The following FAM120B variants were observed in gnomAD, a reference collection of about 807,000 sequenced individuals.
FAM120B encodes the protein constitutive coactivator of peroxisome proliferator-activated receptor gamma.
A neutral mutation model predicts 96.3 loss-of-function variants in FAM120B; 83 were observed. That is an observed-to-expected ratio of 0.86 (90% CI 0.72 to 1.03). FAM120B has a LOEUF of 1.03. FAM120B is among the 50% of genes least tolerant of loss of function. The pLI, the probability that FAM120B is intolerant of heterozygous loss-of-function variation, is 0.00. For synonymous variants in FAM120B, 407 were observed against 402.7 expected, an observed-to-expected ratio of 1.01 and a Z score of -0.13; for missense variants, 1,027 against 1,121.2, an observed-to-expected ratio of 0.92 and a Z score of 1.20.
intron 5 of FAM120B, among the ~76,000 whole-genome samples, chr6:170,351,322 T>G (rs886126117): frequency 1.3e-5 from 2 of 152,186 alleles, no homozygotes; most frequent in Non-Finnish European, 2.9e-5. Context: ...TATGACTGAT[T>G]GGGGTACCTG....
chr6:170,350,994 G>A (rs961211282), intron 5 of FAM120B, among the ~76,000 whole-genome samples: 7 of 152,298 alleles, frequency 4.6e-5, no homozygotes, highest in Admixed American at 6.5e-5. Context: ...TGAACTTCGC[G>A]GAGCTAAAGG....
rs546469000 is a variant in FAM120B at position 170,370,902 on chromosome 6, C to T, written c.2283+12584C>T. On this transcript the variant is annotated intron_variant, in intron 6 of 10. Coordinates refer to ENST00000476287, the MANE Select transcript of FAM120B (RefSeq NM_032448.3). The surrounding 1 kb of genome is among the most constrained non-coding windows in gnomAD (Gnocchi z 4.3). The stretch of plus-strand genomic sequence containing the variant: ...TGCAGCACTTGGCCCTGTGTGCAGG[C>T]GGGAGTCAACACTGAGCCACCACCC... Among the ~76,000 whole-genome samples the T allele has an allele frequency of 1.1e-3, 170 of 152,076 alleles. No individual in the cohort carries two copies. Among genetic ancestry groups the T allele is most frequent in the African/African-American group, 2.3e-3 (94 of 41,470 alleles).
chr6:170,360,101 A>C (rs1368235378), intron 6 of FAM120B, among the ~76,000 whole-genome samples: 3 of 152,142 alleles, frequency 2.0e-5, no homozygotes, highest in African/African-American at 7.2e-5. Flanking sequence ...CAGAAGTATT[A>C]CAGAAAGGAA....
chr6:170,333,517 CT>C (rs568919700), intron 4 of FAM120B, among the ~76,000 whole-genome samples: 1,497 of 138,166 alleles, frequency 0.011, 32 homozygotes, highest in East Asian at 0.096. Flanking sequence ...TGAGCCTCAT[CT>C]TTTTTTTTTT....
At chr6:170,311,164 C>G (rs1322331028) in intron 1 of FAM120B, among the ~76,000 whole-genome samples, 1 of 152,206 alleles carries the variant, frequency 6.6e-6, no homozygotes, top group Non-Finnish European at 1.5e-5. Context: ...TTGTCTGCCT[C>G]CACCCATCCC....
intron 3 of FAM120B, among the ~76,000 whole-genome samples, chr6:170,327,398 A>T (rs1785667637): frequency 6.6e-6 from 1 of 152,198 alleles, no homozygotes; most frequent in Non-Finnish European, 1.5e-5. Context: ...ATTCTTAAAA[A>T]CATTTTTTTC....
chr6:170,392,743 G>C (rs149215314), intron 8 of FAM120B, among the ~76,000 whole-genome samples: 1,673 of 152,230 alleles, frequency 0.011, 32 homozygotes, highest in African/African-American at 0.038. Flanking sequence ...CGTGTCATGG[G>C]GGGAGTAGCC....
intron 4 of FAM120B, among the ~76,000 whole-genome samples, chr6:170,346,002 T>C (rs1346138419): frequency 6.6e-6 from 1 of 152,210 alleles, no homozygotes; most frequent in Non-Finnish European, 1.5e-5. Context: ...TGCCGAATAC[T>C]GTAGGCAGCT....
At chr6:170,390,747 A>T (rs955646328) in intron 7 of FAM120B, among the ~76,000 whole-genome samples, 1 of 152,222 alleles carries the variant, frequency 6.6e-6, no homozygotes, top group African/African-American at 2.4e-5. Context: ...TTTTTTAGAA[A>T]TGATTGTTTA....
intron 9 of FAM120B, among the ~76,000 whole-genome samples, chr6:170,402,968 G>A (rs757786201): frequency 3.9e-5 from 6 of 152,174 alleles, no homozygotes; most frequent in Non-Finnish European, 5.9e-5. Flanking sequence ...GTGGTGATGC[G>A]TGTGGGTTTG....
At chr6:170,355,404 A>C (rs75454833) in intron 5 of FAM120B, among the ~76,000 whole-genome samples, 9 of 152,228 alleles carry the variant, frequency 5.9e-5, no homozygotes, top group Non-Finnish European at 4.4e-5. Flanking sequence ...GAACTACATC[A>C]TGTCCTTTGC....
chr6:170,402,339 G>A (rs894393570), intron 9 of FAM120B, among the ~76,000 whole-genome samples: 12 of 152,274 alleles, frequency 7.9e-5, no homozygotes, highest in Non-Finnish European at 1.3e-4. Context: ...AATCTAGTAC[G>A]CACACCTGTA....
Position 170,323,103 on chromosome 6 carries a change from G to C in FAM120B, c.1759G>C (p.Ala587Pro). 6.2e-7 allele frequency: 1 copy of C among 1,613,288 alleles called. No individual in the cohort carries two copies. The highest frequency in any genetic ancestry group is 8.5e-7 in the Non-Finnish European group (1 of 1,179,684). Residue 587 changes from alanine to proline, a missense_variant, in exon 3 of 11, where the codon GCA becomes CCA. This residue lies in a region of FAM120B where 880 missense variants were observed against 980.9 expected (regional missense o/e 0.90). Coordinates refer to ENST00000476287, the MANE Select transcript of FAM120B (RefSeq NM_032448.3). The part of the protein sequence containing the change: ...LKVARTHHVQ[A>P]ESYLVYNIMS... ...GGTTGCTAGAACACATCACGTCCAA[G>C]CAGAAAGCTACCTGGTGTACAACAT...
chr6:170,293,330 G>C (rs531706136), upstream of FAM120B, among the ~76,000 whole-genome samples: 1 of 152,232 alleles, frequency 6.6e-6, no homozygotes, highest in South Asian at 2.1e-4. Context: ...CTTTTAATTA[G>C]AAAATGGAAG....
intron 4 of FAM120B, among the ~76,000 whole-genome samples, chr6:170,340,761 T>C (rs1283528901): frequency 6.6e-6 from 1 of 152,260 alleles, no homozygotes; most frequent in Non-Finnish European, 1.5e-5. Flanking sequence ...GCAGGTCTGC[T>C]GCAGTTTGCT....
intron 6 of FAM120B, among the ~76,000 whole-genome samples, chr6:170,379,550 T>C (rs1789783133): frequency 6.6e-6 from 1 of 152,246 alleles, no homozygotes; most frequent in South Asian, 2.1e-4. Flanking sequence ...TTCAGCGTCA[T>C]GTCAGTGTTC....
At chr6:170,330,413 C>T (rs781162239) in intron 3 of FAM120B, 36 bp from the exon 4 acceptor site, 3 of 1,488,220 alleles carry the variant, frequency 2.0e-6, no homozygotes, top group Non-Finnish European at 1.9e-6. Context: ...CGATGCATGC[C>T]CTCATGCATC....
intron 2 of FAM120B, among the ~76,000 whole-genome samples, chr6:170,319,602 A>C (rs2115029319): frequency 6.6e-6 from 1 of 152,326 alleles, no homozygotes; most frequent in African/African-American, 2.4e-5. Flanking sequence ...TGGGAGGCGG[A>C]GGTTGCAGTG....
chr6:170,395,418 T>G, intron 8 of FAM120B, 69 bp from the exon 9 acceptor site: 1 of 1,268,668 alleles, frequency 7.9e-7, no homozygotes. Flanking sequence ...TTGCCACCCT[T>G]TACATGCTGT....
Sources: gnomAD v4.1 joint callset for allele counts (sites outside exome capture counted in the v4.1 genomes callset) on GRCh38, gnomAD v4.1.1 for gene constraint, gnomAD v4.1.1 regional missense constraint, Gnocchi (gnomAD v3.1) non-coding constraint, MANE v1.5 for transcripts, NCBI Gene and HGNC (gene_info 2026-07-23, HGNC 2026-07-21) for gene names.